CDH1: variants seen among roughly 807,000 people sequenced by gnomAD.
CDH1 encodes cadherin-1.
CDH1 carries 35 observed loss-of-function variants against 84.5 expected under a neutral mutation model. The observed-to-expected ratio is 0.41, with a 90% CI of 0.32 to 0.55. The LOEUF (loss-of-function observed/expected upper bound fraction) is 0.55. Ranked by LOEUF, CDH1 falls within the 20% of genes least tolerant of loss-of-function variation. The probability of loss-of-function intolerance (pLI) is 0.19; values close to 1 mark genes in which losing one functional copy is unlikely to be tolerated. For missense variants in CDH1, 994 were observed against 1,126.6 expected, an observed-to-expected ratio of 0.88 and a Z score of 1.68; for synonymous variants, 417 against 439.0, an observed-to-expected ratio of 0.95 and a Z score of 0.63.
chr16:68,750,105 C>G (rs537873467), intron 2 of CDH1, among the ~76,000 whole-genome samples: 39 of 145,038 alleles, frequency 2.7e-4, no homozygotes, highest in African/African-American at 9.5e-4. Context: ...AGCCACCAGG[C>G]CTGGCCTGCC....
At chr16:68,759,544 C>T (rs1963107958) in intron 2 of CDH1, among the ~76,000 whole-genome samples, 1 of 147,284 alleles carries the variant, frequency 6.8e-6, no homozygotes, top group Non-Finnish European at 1.5e-5. Context: ...GGCTGGAGTG[C>T]AATGGTGCGA....
At chr16:68,826,700 C>T (rs144922428) in intron 13 of CDH1, 407 of 152,268 alleles carry the variant, frequency 2.7e-3, no homozygotes, top group Middle Eastern at 6.8e-3. Context: ...TCAGAGCCTG[C>T]GGATACTGGG....
chr16:68,819,347 C>T lies in CDH1; in HGVS notation c.1633C>T (p.Arg545Trp), dbSNP rs863224727. Residue 545 changes from arginine to tryptophan, a missense_variant, in exon 11 of 16, where the codon CGG (arginine) becomes TGG (tryptophan). Transcript: ENST00000261769. ...INPDTGAIST[R>W]AELDREDFEH... ...TCCGGACACTGGTGCCATTTCCACT[C>T]GGGCTGAGCTGGACAGGGAGGATTT... is the stretch of plus-strand genomic sequence containing the variant. 6 of 1,613,926 alleles carry T rather than the reference C, an allele frequency of 3.7e-6. No individual in the cohort carries two copies. Among genetic ancestry groups the T allele is most frequent in the South Asian group, 1.1e-5 (1 of 91,068 alleles).
At chr16:68,775,406 A>G (rs1959702821) in intron 2 of CDH1, among the ~76,000 whole-genome samples, 2 of 152,110 alleles carry the variant, frequency 1.3e-5, no homozygotes, top group Non-Finnish European at 1.5e-5. Flanking sequence ...GTTTATTACA[A>G]ACTCTCACAT....
In CDH1 at chr16:68,829,773, TG is replaced by T; in HGVS notation, c.2416del (p.Glu806LysfsTer10). On this transcript the variant is annotated frameshift_variant, in exon 15 of 16. Transcript: ENST00000261769. LOFTEE classifies it high-confidence loss of function. The stretch of plus-strand genomic sequence containing the variant: ...ATCTTCCCCGCCCTGCCAATCCCGA[TG>T]AAATTGGAAATTTTATTGATGAAGT... ...RYLPRPANPDEIGNFIDENLK... is the reference protein window; with the variant it reads ...RYLPRPANPDXIGNFIDENLK... 6.2e-7 allele frequency: 1 copy of T among 1,614,022 alleles called. No homozygotes were observed.
intron 13 of CDH1, among the ~76,000 whole-genome samples, chr16:68,826,326 T>A (rs572035263): frequency 2.6e-5 from 4 of 152,172 alleles, no homozygotes; most frequent in Admixed American, 2.6e-4. Flanking sequence ...TTTCTTTCTT[T>A]ATTAGAGATG....
At chr16:68,751,394 C>A (rs1306444976) in intron 2 of CDH1, among the ~76,000 whole-genome samples, 1 of 152,198 alleles carries the variant, frequency 6.6e-6, no homozygotes, top group Non-Finnish European at 1.5e-5. Context: ...TGTGACCATT[C>A]CCATAATATC....
chr16:68,811,102 A>T (rs999967892), intron 6 of CDH1, among the ~76,000 whole-genome samples: 4 of 151,872 alleles, frequency 2.6e-5, no homozygotes, highest in Non-Finnish European at 5.9e-5. Flanking sequence ...CTCCATAAAG[A>T]TAACCACACC....
intron 2 of CDH1, among the ~76,000 whole-genome samples, chr16:68,757,725 TTCTC>T (rs1371768319): frequency 2.6e-5 from 4 of 151,866 alleles, no homozygotes; most frequent in East Asian, 1.9e-4. Flanking sequence ...GCAAGTTTCT[TTCTC>T]TTTCTTTCTT....
At chr16:68,764,921 A>G (rs1272203344) in intron 2 of CDH1, among the ~76,000 whole-genome samples, 1 of 152,194 alleles carries the variant, frequency 6.6e-6, no homozygotes, top group Non-Finnish European at 1.5e-5. Context: ...CTAGTGGATG[A>G]TTTGACAAGT....
chr16:68,810,947 C>T (rs1311351362), intron 6 of CDH1, among the ~76,000 whole-genome samples: 1 of 151,954 alleles, frequency 6.6e-6, no homozygotes, highest in Non-Finnish European at 1.5e-5. Context: ...CCCAAGCAAT[C>T]CTCCCACCTC....
chr16:68,783,417 AAAG>A (rs887546295), intron 2 of CDH1, among the ~76,000 whole-genome samples: 2 of 151,434 alleles, frequency 1.3e-5, no homozygotes, highest in Middle Eastern at 3.2e-3. Context: ...AAAAAGAAAA[AAAG>A]AAAAAAAAGT....
In CDH1 at chr16:68,823,413, A is replaced by G. The variant is rs876660503; in HGVS notation, c.1951A>G (p.Ile651Val). The G allele has an allele frequency of 6.2e-7, 1 of 1,612,636 alleles. No homozygotes were observed. The highest frequency in any genetic ancestry group is 8.5e-7 in the Non-Finnish European group (1 of 1,178,782). Residue 651 changes from isoleucine to valine, a missense_variant, in exon 13 of 16, where the codon ATT (isoleucine) becomes GTT (valine). By Grantham distance (29) the Ile-to-Val change is conservative. This residue lies in a region of CDH1 where 769 missense variants were observed against 881.8 expected (regional missense o/e 0.87). Coordinates refer to ENST00000261769, the MANE Select transcript of CDH1 (RefSeq NM_004360.5). ...QYNDPTQESIILKPKMALEVG... is the reference protein window; with the variant it reads ...QYNDPTQESIVLKPKMALEVG... Reference sequence around the variant, plus strand: ...GCTTTCTCCAGCCCAAGAATCTATCATTTTGAAGCCAAAGATGGCCTTAGA... The same window carrying G: ...GCTTTCTCCAGCCCAAGAATCTATCGTTTTGAAGCCAAAGATGGCCTTAGA...
intron 3 of CDH1, among the ~76,000 whole-genome samples, chr16:68,807,888 A>G (rs1325747175): frequency 6.6e-6 from 1 of 152,130 alleles, no homozygotes; most frequent in Non-Finnish European, 1.5e-5. Context: ...CCTGGGTAAC[A>G]TGGCAAAGCC....
intron 1 of CDH1, 122 bp from the exon 2 acceptor site, chr16:68,738,175 C>A: frequency 3.1e-6 from 2 of 655,102 alleles, no homozygotes; most frequent in Non-Finnish European, 5.3e-6. Context: ...CCCGGGGCTG[C>A]GGGCTGGGGT....
At position 68,829,676 on chromosome 16, in the gene CDH1, A is replaced by C. The variant is rs587782823; in HGVS notation, c.2318A>C (p.His773Pro). The C allele has an allele frequency of 6.2e-7, 1 of 1,614,160 alleles. No homozygotes were observed. The highest frequency in any genetic ancestry group is 8.5e-7 in the Non-Finnish European group (1 of 1,180,048). Residue 773 changes from histidine to proline, a missense_variant, in exon 15 of 16, where the codon CAC becomes CCC. Transcript: ENST00000261769. ...EDQDFDLSQL[H>P]RGLDARPEVT... is the part of the protein sequence containing the mutation. ...AAGGACTTTGACTTGAGCCAGCTGC[A>C]CAGGGGCCTGGACGCTCGGCCTGAA...
In CDH1 at chr16:68,833,823, T is replaced by G; in HGVS notation, c.*324T>G. 2.5e-6 allele frequency: 1 copy of G among 399,712 alleles called. No individual in the cohort carries two copies. Among genetic ancestry groups the G allele is most frequent in the East Asian group, 4.3e-5 (1 of 23,294 alleles). The allele number at this position is 399,712 out of a possible 1,614,324, so 24.8% of individuals were successfully genotyped here. On this transcript the variant is annotated 3_prime_UTR_variant, in exon 16 of 16. Transcript: ENST00000261769. ...GAAGGTTCACCCAGCACCTTGCAGA[T>G]TTTCTTAAGGAATTTTGTCTCACTT...
chr16:68,821,469 C>CA (rs58762668), intron 11 of CDH1, among the ~76,000 whole-genome samples: 19,676 of 92,814 alleles, frequency 0.21, 1,546 homozygotes, highest in East Asian at 0.27. Flanking sequence ...GACTCTGCCT[C>CA]AAAAAAAAAA....
In CDH1 at chr16:68,811,734, A is replaced by T. The variant is rs1555515611; in HGVS notation, c.883A>T (p.Thr295Ser). The change falls in exon 7 of 16, where the codon ACC (threonine) becomes TCC (serine). Residue 295 changes from threonine (T) to serine (S), a missense_variant. By Grantham distance (58) the Thr-to-Ser change is moderately conservative (BLOSUM62 1). This residue lies in a region of CDH1 where 769 missense variants were observed against 881.8 expected (regional missense o/e 0.87). Coordinates refer to ENST00000261769, the MANE Select transcript of CDH1 (RefSeq NM_004360.5). Reference protein sequence around the residue: ...TATDADDDVNTYNAAIAYTIL... With the variant: ...TATDADDDVNSYNAAIAYTIL... ...CACAGACGCGGACGATGATGTGAAC[A>T]CCTACAATGCCGCCATCGCTTACAC... 6.2e-7 allele frequency: 1 copy of T among 1,613,952 alleles called. No individual in the cohort carries two copies. The highest frequency in any genetic ancestry group is 8.5e-7 in the Non-Finnish European group (1 of 1,180,016).
Sources: gnomAD v4.1 joint callset for allele counts (sites outside exome capture counted in the v4.1 genomes callset) on GRCh38, gnomAD v4.1.1 for gene constraint, gnomAD v4.1.1 regional missense constraint, MANE v1.5 for transcripts, NCBI Gene and HGNC (gene_info 2026-07-23, HGNC 2026-07-21) for gene names.